The following GARNL3 variants were observed in gnomAD, a reference collection of about 807,000 sequenced individuals.
GARNL3 encodes the protein GTPase activating Rap/RanGAP domain like 3, also known as GTPase-activating Rap/Ran-GAP domain-like protein 3.
GARNL3 carries 63 observed loss-of-function variants against 125.0 expected under a neutral mutation model. The observed-to-expected ratio is 0.50, with a 90% confidence interval of 0.41 to 0.62. The LOEUF (loss-of-function observed/expected upper bound fraction) is 0.62, where lower values mean the gene tolerates loss of function less well. GARNL3 is among the 20% of genes least tolerant of loss of function. The pLI is 0.00. For missense variants in GARNL3, 994 were observed against 1,244.0 expected (o/e 0.80, Z 3.02); for synonymous variants, 439 against 457.5 (o/e 0.96, Z 0.52).
At chr9:127,287,624 C>G (rs1384967219) in intron 1 of GARNL3, among the ~76,000 whole-genome samples, 1 of 152,212 alleles carries the variant, frequency 6.6e-6, no homozygotes, top group Non-Finnish European at 1.5e-5. Flanking sequence ...TTGGGGGACA[C>G]TGAGACTGCC....
intron 22 of GARNL3, among the ~76,000 whole-genome samples, chr9:127,380,178 G>A (rs1229354635): frequency 6.7e-6 from 1 of 149,662 alleles, no homozygotes; most frequent in Admixed American, 6.7e-5. Flanking sequence ...GGGTGATAGA[G>A]CAAGACTCTG....
chr9:127,348,650 C>T (rs909923485), intron 16 of GARNL3, among the ~76,000 whole-genome samples: 7 of 152,196 alleles, frequency 4.6e-5, no homozygotes, highest in Non-Finnish European at 7.3e-5. Flanking sequence ...ATTACGAATG[C>T]GTCAATTGCC....
In GARNL3 at chr9:127,332,180, A is replaced by T. The variant is rs903239874; in HGVS notation, c.595-94A>T. On this transcript the variant is annotated intron_variant, in intron 7 of 27. Coordinates refer to ENST00000373387, the MANE Select transcript of GARNL3 (RefSeq NM_032293.5). ...GATCCCCTGACTGTCCATCCTGGTG[A>T]CTGCCATTGTGCTAAGTCACGAACA... The T allele has an allele frequency of 6.0e-6, 5 of 834,584 alleles. No homozygotes were observed. The African/African-American group carries it at 6.7e-5, about 11-fold the overall frequency. The allele number at this position is 834,584 out of a possible 1,614,324, so 51.7% of individuals were successfully genotyped here. A position where few individuals can be genotyped will look rare whatever the true frequency, so the allele number is the denominator to read the frequency against.
chr9:127,231,050 A>ATATATATATATATTT (rs1161629810), intron 1 of GARNL3, among the ~76,000 whole-genome samples: 1 of 89,548 alleles, frequency 1.1e-5, no homozygotes, highest in African/African-American at 7.9e-5. Context: ...ATATATATAT[A>ATATATATATATATTT]TTTTTTTTTT....
At chr9:127,356,643 T>A (rs1208483520) in intron 20 of GARNL3, 2 of 152,292 alleles carry the variant, frequency 1.3e-5, no homozygotes, top group Non-Finnish European at 2.9e-5. Flanking sequence ...TTAGCTTTCT[T>A]CCTATAGTGA....
rs1456832343 is a variant in GARNL3, at chr9:127,383,457, G to T, written c.2181G>T (p.Lys727Asn). The part of the protein sequence containing the change: ...LCYNYSCIYK[K>N]VCPFNGGSFL... ...TTGCAGACAGTTGCATCTATAAAAA[G>T]GTTTGCCCCTTTAATGGTGGCTCTT... Residue 727 changes from lysine to asparagine, a missense_variant, in exon 23 of 28, where the codon AAG (lysine) becomes AAT (asparagine). This residue lies in a region of GARNL3 where 728 missense variants were observed against 865.7 expected (regional missense o/e 0.84). Coordinates refer to ENST00000373387, the MANE Select transcript of GARNL3 (RefSeq NM_032293.5). 3.1e-6 allele frequency: 5 copies of T among 1,611,908 alleles called. No individual in the cohort carries two copies. Among genetic ancestry groups the T allele is most frequent in the East Asian group, 2.2e-5 (1 of 44,838 alleles).
At chr9:127,243,006 G>A in intron 1 of GARNL3, 1 of 1,236,608 alleles carries the variant, frequency 8.1e-7, no homozygotes, top group Non-Finnish European at 1.1e-6. Flanking sequence ...TTGGGAGGAG[G>A]GTAAAGCAGG....
chr9:127,393,310 A>C lies in GARNL3; in HGVS notation c.*56A>C. The C allele has an allele frequency of 6.7e-7, 1 of 1,491,978 alleles. No individual in the cohort carries two copies. Among genetic ancestry groups the C allele is most frequent in the Non-Finnish European group, 9.2e-7 (1 of 1,082,290 alleles). 92.4% of individuals were successfully genotyped at this position (1,491,978 alleles called of 1,614,324 possible). On this transcript the variant is annotated 3_prime_UTR_variant, in exon 28 of 28. Coordinates refer to ENST00000373387, the MANE Select transcript of GARNL3 (RefSeq NM_032293.5). ...TTTCTTATGGAGGTTTATACTCTTT[A>C]AACAGTTCTGATGTAATTTCTCAAC...
At chr9:127,336,282 C>T in intron 11 of GARNL3, 46 bp downstream of exon 11, 1 of 1,358,394 alleles carries the variant, frequency 7.4e-7, no homozygotes, top group South Asian at 1.2e-5. Flanking sequence ...AGCTGTGGTT[C>T]AGCCTCACTG....
chr9:127,365,192 C>T (rs1831217150), intron 21 of GARNL3, 108 bp from the exon 22 acceptor site: 2 of 870,126 alleles, frequency 2.3e-6, no homozygotes, highest in Admixed American at 3.6e-5. Context: ...CCCTATGGCA[C>T]CTGCATGACA....
At chr9:127,315,069 T>G (rs2065203228) in intron 4 of GARNL3, among the ~76,000 whole-genome samples, 1 of 152,220 alleles carries the variant, frequency 6.6e-6, no homozygotes, top group African/African-American at 2.4e-5. Flanking sequence ...GGGCAGGGCA[T>G]GATGAGAAGT....
chr9:127,273,581 C>A (rs2063877287), intron 1 of GARNL3, among the ~76,000 whole-genome samples: 1 of 152,182 alleles, frequency 6.6e-6, no homozygotes, highest in African/African-American at 2.4e-5. Flanking sequence ...CCTTTGTTGG[C>A]CCCTCTCAGA....
At chr9:127,276,019 T>C (rs2063946501) in intron 1 of GARNL3, among the ~76,000 whole-genome samples, 1 of 152,240 alleles carries the variant, frequency 6.6e-6, no homozygotes, top group Admixed American at 6.5e-5. Flanking sequence ...GTTTCCCTTC[T>C]TACTTTCTCC....
At chr9:127,258,230 A>G (rs941931915) in intron 2 of GARNL3, among the ~76,000 whole-genome samples, 1 of 152,176 alleles carries the variant, frequency 6.6e-6, no homozygotes, top group Non-Finnish European at 1.5e-5. Context: ...AGTTAGAAGA[A>G]TCAAAGTGCC....
At chr9:127,249,833 C>T (rs2063368494) in intron 2 of GARNL3, among the ~76,000 whole-genome samples, 1 of 151,894 alleles carries the variant, frequency 6.6e-6, no homozygotes, top group Non-Finnish European at 1.5e-5. Flanking sequence ...CATGGTGAAA[C>T]CCCGTCTCTA....
At chr9:127,371,008 C>G (rs1022494015) in intron 22 of GARNL3, among the ~76,000 whole-genome samples, 1 of 152,222 alleles carries the variant, frequency 6.6e-6, no homozygotes, top group Non-Finnish European at 1.5e-5. Flanking sequence ...CTTTCCTCCT[C>G]ACATGTGCTC....
At chr9:127,224,904 G>C in intron 1 of GARNL3, among the ~76,000 whole-genome samples, 2 of 127,038 alleles carry the variant, frequency 1.6e-5, no homozygotes, top group East Asian at 2.7e-4. Flanking sequence ...TTACCGGAGC[G>C]CGGGGCGGGG....
chr9:127,299,014 AAGAG>A lies in GARNL3; in HGVS notation c.219+7776_219+7779del, dbSNP rs142535023. ...TCTACAGGGCTTTTCCAAAAATAAA[AAGAG>A]AGAAAGAGAAAAGTCAGGCCAGGCA... On this transcript the variant is annotated intron_variant, in intron 2 of 27. Transcript: ENST00000373387. Among the ~76,000 whole-genome samples the A allele has an allele frequency of 5.3e-3, 813 of 152,218 alleles. 22 individuals carry two copies. The East Asian group carries it at 0.081, about 15-fold the overall frequency.
intron 22 of GARNL3, among the ~76,000 whole-genome samples, chr9:127,377,505 G>A (rs1474650454): frequency 6.6e-6 from 1 of 152,146 alleles, no homozygotes; most frequent in Non-Finnish European, 1.5e-5. Flanking sequence ...AGCAGAAGCC[G>A]GCCAGGAGGG....
Sources: gnomAD v4.1 joint callset for allele counts (sites outside exome capture counted in the v4.1 genomes callset) on GRCh38, gnomAD v4.1.1 for gene constraint, gnomAD v4.1.1 regional missense constraint, MANE v1.5 for transcripts, NCBI Gene and HGNC (gene_info 2026-07-23, HGNC 2026-07-21) for gene names.